LINS1: variants seen among roughly 807,000 people sequenced by gnomAD.
LINS1 encodes lines homolog 1, also known as protein Lines homolog 1.
LINS1 carries 27 observed loss-of-function variants against 41.6 expected under a neutral mutation model. The ratio of observed to expected loss-of-function variants is 0.65; its 90% CI spans 0.48 to 0.89. The LOEUF is 0.89. Ranked by LOEUF, LINS1 falls within the 40% of genes least tolerant of loss-of-function variation. LINS1 has a pLI of 0.00. For missense variants in LINS1, 955 were observed against 884.1 expected (o/e 1.08, Z -1.02); for synonymous variants, 336 against 312.9 (o/e 1.07, Z -0.78).
Position 100,569,802 on chromosome 15 carries a change from G to C in LINS1, c.1710C>G (p.Asn570Lys). 6.2e-7 allele frequency: 1 copy of C among 1,614,090 alleles called. No homozygotes were observed. Among genetic ancestry groups the C allele is most frequent in the Non-Finnish European group, 8.5e-7 (1 of 1,179,982 alleles). Residue 570 changes from asparagine to lysine, a missense_variant, in exon 7 of 7, where the codon AAC becomes AAG. Coordinates refer to ENST00000314742, the MANE Select transcript of LINS1 (RefSeq NM_001040616.3). ...CAGTCAAACGATGGGGTATTGTTTG[G>C]TTGGAGCTTTGGTCTTGGACAAGTG... ...VPSLVQDQSSNQTIPHRLTAP... is the reference protein window; with the variant it reads ...VPSLVQDQSSKQTIPHRLTAP...
At chr15:100,572,878 T>A in intron 5 of LINS1, 1 of 735,662 alleles carries the variant, frequency 1.4e-6, no homozygotes, top group Non-Finnish European at 1.7e-6. Flanking sequence ...ATAATCTACA[T>A]TAGTGGAAAC....
Position 100,569,268 on chromosome 15 carries a change from C to T in LINS1, c.2244G>A (p.Val748=). 4 of 1,602,428 alleles carry T rather than the reference C, an allele frequency of 2.5e-6. No individual in the cohort carries two copies. The highest frequency in any genetic ancestry group is 3.4e-6 in the Non-Finnish European group (4 of 1,169,718). ...AAGTGTTCATAGTTTTATTACTTATCACCTCTATGTATTTTAACAACTTCA... is the reference window on the plus strand; with the variant it reads ...AAGTGTTCATAGTTTTATTACTTATTACCTCTATGTATTTTAACAACTTCA... ...ALLKLLKYIE[V]ISNKTMNTL The change falls in exon 7 of 7, where the codon GTG becomes GTA. Residue 748 remains valine (V), a synonymous_variant. Transcript: ENST00000314742.
chr15:100,572,110 T>C (rs1342404418), intron 5 of LINS1, 45 bp from the exon 6 acceptor site: 12 of 1,608,914 alleles, frequency 7.5e-6, no homozygotes, highest in African/African-American at 2.7e-5. Context: ...AGTTTATGAA[T>C]GAATGAATAT....
At position 100,573,788 on chromosome 15, in the gene LINS1, A is replaced by G. The variant is rs1289446936; in HGVS notation, c.1085T>C (p.Phe362Ser). The G allele has an allele frequency of 4.3e-6, 7 of 1,614,218 alleles. No individual in the cohort carries two copies. Among genetic ancestry groups the G allele is most frequent in the Non-Finnish European group, 5.1e-6 (6 of 1,180,028 alleles). ...TTCAGGTTGAACTTCATCACCTCCA[A>G]AAAAGGAATGTTTTTCATAAACAGA... ...TLSVYEKHSF[F>S]GGDEVQPECE... The change falls in exon 5 of 7, where the codon TTT (phenylalanine) becomes TCT (serine). Residue 362 changes from phenylalanine to serine, a missense_variant. Physicochemically the swap from Phe to Ser is radical, Grantham distance 155 (BLOSUM62 -2). Coordinates refer to ENST00000314742, the MANE Select transcript of LINS1 (RefSeq NM_001040616.3).
intron 5 of LINS1, 84 bp from the exon 6 acceptor site, chr15:100,572,149 A>G (rs1429397486): frequency 4.5e-6 from 7 of 1,563,386 alleles, no homozygotes; most frequent in South Asian, 1.2e-5. Flanking sequence ...CATAGTGTCT[A>G]AAGTACCTTA....
rs745709764 is a variant in LINS1, at chr15:100,569,568, T to C, written c.1944A>G (p.Lys648=). 1 of 1,614,192 alleles carries C rather than the reference T, an allele frequency of 6.2e-7. No homozygotes were observed. The highest frequency in any genetic ancestry group is 1.7e-5 in the Admixed American group (1 of 60,022). ...ESTEQCLANS[K]QTSLHQQATK... Reference sequence around the variant, plus strand: ...TTGCTTGCTGGTGTAAAGATGTCTGTTTACTGTTAGCTAAACACTGCTCTG... The same window carrying C: ...TTGCTTGCTGGTGTAAAGATGTCTGCTTACTGTTAGCTAAACACTGCTCTG... Residue 648 remains lysine, a synonymous_variant, in exon 7 of 7, where the codon AAA becomes AAG. Transcript: ENST00000314742.
At chr15:100,596,242 A>G (rs962272935) in intron 1 of LINS1, among the ~76,000 whole-genome samples, 1 of 152,322 alleles carries the variant, frequency 6.6e-6, no homozygotes, top group African/African-American at 2.4e-5. Context: ...AAACTGTGTC[A>G]TGCACTAGAC....
rs746200453 is a variant in LINS1 at position 100,580,520 on chromosome 15, G to A, written c.323C>T (p.Thr108Ile). 3 of 1,613,964 alleles carry A rather than the reference G, an allele frequency of 1.9e-6. No homozygotes were observed. Among genetic ancestry groups the A allele is most frequent in the East Asian group, 2.2e-5 (1 of 44,884 alleles). Residue 108 changes from threonine (T) to isoleucine (I), a missense_variant, in exon 2 of 7, where the codon ACC (threonine) becomes ATC (isoleucine). Coordinates refer to ENST00000314742, the MANE Select transcript of LINS1 (RefSeq NM_001040616.3). ...GTACTGCTCCTTTGCATGGAACTCGGTTTTGACAGACAATATCCGGGTTGT... is the reference window on the plus strand; with the variant it reads ...GTACTGCTCCTTTGCATGGAACTCGATTTTGACAGACAATATCCGGGTTGT... ...VMTTRILSVK[T>I]EFHAKEQYRD...
At chr15:100,592,453 G>A (rs2039079936) in intron 1 of LINS1, among the ~76,000 whole-genome samples, 1 of 151,996 alleles carries the variant, frequency 6.6e-6, no homozygotes, top group East Asian at 1.9e-4. Flanking sequence ...GAGACTGGGG[G>A]TAGGGCTGAA....
In LINS1 at chr15:100,591,872, A is replaced by T. The variant is rs1256142500; in HGVS notation, c.-104+10249T>A. On this transcript the variant is annotated intron_variant, in intron 1 of 6. Transcript: ENST00000314742. ...CCAGCATGAAGCAGTTACAGAAGAT[A>T]GACCATTGGTCCCTCTGCTTCCATA... 2.0e-5 allele frequency among the ~76,000 whole-genome samples: 3 copies of T among 152,220 alleles called. No homozygotes were observed. The East Asian group carries it at 5.8e-4, about 29-fold the overall frequency.
chr15:100,569,907 C>T lies in LINS1; in HGVS notation c.1605G>A (p.Trp535Ter), dbSNP rs1375900032. 1 of 1,608,812 alleles carries T rather than the reference C, an allele frequency of 6.2e-7. No homozygotes were observed. Among genetic ancestry groups the T allele is most frequent in the Non-Finnish European group, 8.5e-7 (1 of 1,176,864 alleles). ...VRYLKLLQKD[W>*]DNFFTICNNF... ...TATTGCAAATGGTGAAAAAATTATC[C>T]CAGTCCTTTTGCAGTAATTTTAAAT... The change falls in exon 7 of 7, where the codon TGG becomes TGA. Residue 535 changes from tryptophan to a stop codon, truncating the protein, a stop_gained. Transcript: ENST00000314742. LOFTEE classifies it low-confidence loss of function (END_TRUNC).
chr15:100,592,308 A>G (rs974612549), intron 1 of LINS1, among the ~76,000 whole-genome samples: 1 of 152,148 alleles, frequency 6.6e-6, no homozygotes, highest in Non-Finnish European at 1.5e-5. Context: ...TTCTTTGTTC[A>G]AGACGCCAAG....
At chr15:100,599,112 T>C (rs2039365351) in intron 1 of LINS1, among the ~76,000 whole-genome samples, 1 of 152,248 alleles carries the variant, frequency 6.6e-6, no homozygotes, top group Non-Finnish European at 1.5e-5. Flanking sequence ...AGTCAGGGTT[T>C]CATGAATCAA....
chr15:100,599,792 G>A (rs181830723), intron 1 of LINS1, among the ~76,000 whole-genome samples: 3 of 152,290 alleles, frequency 2.0e-5, no homozygotes, highest in African/African-American at 7.2e-5. Flanking sequence ...GAGGCTGGGT[G>A]CAGTGGCTCA....
At chr15:100,572,369 G>T in intron 5 of LINS1, 1 of 1,182,914 alleles carries the variant, frequency 8.5e-7, no homozygotes, top group Middle Eastern at 3.8e-4. Context: ...CTTGCTAAAA[G>T]CAGATAAATA....
chr15:100,576,792 C>A (rs1236675749), intron 3 of LINS1: 2 of 152,172 alleles, frequency 1.3e-5, no homozygotes, highest in Non-Finnish European at 2.9e-5. Context: ...ACTGGCAAAA[C>A]CAAATCCGGC....
intron 1 of LINS1, among the ~76,000 whole-genome samples, chr15:100,587,732 C>G (rs1178975824): frequency 6.6e-6 from 1 of 152,210 alleles, no homozygotes; most frequent in Non-Finnish European, 1.5e-5. Context: ...TAATGGAGCA[C>G]ACCAGCTTTT....
intron 1 of LINS1, among the ~76,000 whole-genome samples, chr15:100,589,875 T>G (rs1192912513): frequency 6.6e-6 from 1 of 152,236 alleles, no homozygotes; most frequent in African/African-American, 2.4e-5. Flanking sequence ...GTATTTTCAC[T>G]AGGTACAGAA....
chr15:100,597,376 T>C (rs1265188636), intron 1 of LINS1, among the ~76,000 whole-genome samples: 2 of 152,024 alleles, frequency 1.3e-5, no homozygotes, highest in African/African-American at 4.8e-5. Flanking sequence ...TCTCAAACCG[T>C]AGCATCAGAA....
Sources: gnomAD v4.1 joint callset for allele counts (sites outside exome capture counted in the v4.1 genomes callset) on GRCh38, gnomAD v4.1.1 for gene constraint, MANE v1.5 for transcripts, NCBI Gene and HGNC (gene_info 2026-07-23, HGNC 2026-07-21) for gene names.